Variants in OXR1 observed in about 807,000 individuals in gnomAD.
OXR1 encodes oxidation resistance 1, also known as oxidation resistance protein 1.
OXR1 carries 41 observed loss-of-function variants against 104.6 expected under a neutral mutation model. The observed-to-expected ratio is 0.39, with a 90% CI of 0.31 to 0.51. The LOEUF (loss-of-function observed/expected upper bound fraction) is 0.51. Among genes scored for constraint, OXR1 ranks in the 20% least tolerant of loss-of-function variants. OXR1 has a pLI of 0.77. For missense variants in OXR1, 955 were observed against 1,031.9 expected (o/e 0.93, Z 1.02); for synonymous variants, 348 against 348.4 (o/e 1.00, Z 0.01).
At chr8:106,528,701 A>G (rs1451191445) in intron 3 of OXR1, among the ~76,000 whole-genome samples, 2 of 152,240 alleles carry the variant, frequency 1.3e-5, no homozygotes, top group Admixed American at 1.3e-4. Flanking sequence ...ATACTATAAC[A>G]GGAGGTTAAA....
chr8:106,547,951 T>C (rs1020610433), intron 3 of OXR1, among the ~76,000 whole-genome samples: 1 of 152,198 alleles, frequency 6.6e-6, no homozygotes, highest in Admixed American at 6.5e-5. Context: ...AAATACCTGT[T>C]TGTGTCCCTG....
At chr8:106,491,558 A>T (rs1010806305) in intron 2 of OXR1, among the ~76,000 whole-genome samples, 1 of 152,334 alleles carries the variant, frequency 6.6e-6, no homozygotes, top group East Asian at 1.9e-4. Context: ...GTGGCATTTT[A>T]GAAGTGTGCA....
intron 7 of OXR1, among the ~76,000 whole-genome samples, chr8:106,696,653 T>C (rs1186078044): frequency 6.6e-6 from 1 of 152,258 alleles, no homozygotes; most frequent in African/African-American, 2.4e-5. Flanking sequence ...TCAGCCGTTC[T>C]AATAGATCCG....
At chr8:106,367,849 T>C (rs1467618373) in intron 2 of OXR1, among the ~76,000 whole-genome samples, 2 of 152,036 alleles carry the variant, frequency 1.3e-5, no homozygotes, top group African/African-American at 2.4e-5. Flanking sequence ...AGGAAAACCA[T>C]TTCAGGCAGA....
intron 3 of OXR1, among the ~76,000 whole-genome samples, chr8:106,677,465 C>G (rs1477845891): frequency 6.6e-6 from 1 of 152,020 alleles, no homozygotes; most frequent in African/African-American, 2.4e-5. Context: ...ACCAGGAATG[C>G]AGAAGAATAT....
chr8:106,496,910 G>T (rs980952935), intron 2 of OXR1, among the ~76,000 whole-genome samples: 1 of 152,158 alleles, frequency 6.6e-6, no homozygotes, highest in Non-Finnish European at 1.5e-5. Context: ...TGTGACGGAG[G>T]TAGACCAATG....
At chr8:106,681,372 C>T in intron 4 of OXR1, among the ~76,000 whole-genome samples, 1 of 152,048 alleles carries the variant, frequency 6.6e-6, no homozygotes, top group East Asian at 1.9e-4. Context: ...ATTGTATTAA[C>T]CCAAATATTT....
chr8:106,451,795 C>T (rs941786386), intron 2 of OXR1, among the ~76,000 whole-genome samples: 3 of 152,120 alleles, frequency 2.0e-5, no homozygotes, highest in African/African-American at 7.2e-5. Flanking sequence ...TTTTGCATGT[C>T]CCTTGACTTT....
At chr8:106,696,663 G>A (rs565298819) in intron 7 of OXR1, among the ~76,000 whole-genome samples, 1 of 152,218 alleles carries the variant, frequency 6.6e-6, no homozygotes, top group East Asian at 1.9e-4. Flanking sequence ...TAATAGATCC[G>A]TAGTGGTAAT....
intron 11 of OXR1, among the ~76,000 whole-genome samples, chr8:106,715,282 T>C (rs1263780494): frequency 6.6e-6 from 1 of 151,846 alleles, no homozygotes. Flanking sequence ...ATCACACTAC[T>C]TGATACTGGG....
chr8:106,308,623 A>G (rs920574115), intron 1 of OXR1, among the ~76,000 whole-genome samples: 5 of 152,176 alleles, frequency 3.3e-5, no homozygotes, highest in Non-Finnish European at 7.4e-5. Context: ...TCAAAATCCA[A>G]AGAAAGAAAC....
At chr8:106,307,095 G>A (rs148380955) in intron 1 of OXR1, among the ~76,000 whole-genome samples, 48 of 152,010 alleles carry the variant, frequency 3.2e-4, no homozygotes, top group African/African-American at 1.2e-3. Flanking sequence ...AAAGAAGGAA[G>A]GAATAGCATG....
chr8:106,682,919 A>T (rs1363648335), intron 4 of OXR1, among the ~76,000 whole-genome samples: 1 of 152,188 alleles, frequency 6.6e-6, no homozygotes, highest in Non-Finnish European at 1.5e-5. Flanking sequence ...AATGAAAATA[A>T]TCAGTTTTTG....
intron 11 of OXR1, among the ~76,000 whole-genome samples, chr8:106,734,694 A>T (rs552509944): frequency 3.9e-5 from 6 of 152,276 alleles, no homozygotes; most frequent in Admixed American, 3.3e-4. Context: ...TGTAATAGTG[A>T]TGGGTGGATT....
intron 2 of OXR1, among the ~76,000 whole-genome samples, chr8:106,372,019 T>G (rs2130378148): frequency 6.6e-6 from 1 of 152,312 alleles, no homozygotes; most frequent in Non-Finnish European, 1.5e-5. Context: ...TCAAAGGACT[T>G]AGACAGCAGG....
At chr8:106,490,827 A>G (rs1811035121) in intron 2 of OXR1, among the ~76,000 whole-genome samples, 2 of 152,160 alleles carry the variant, frequency 1.3e-5, no homozygotes, top group African/African-American at 4.8e-5. Flanking sequence ...CAAGAGAAGG[A>G]TAAGATGGAT....
chr8:106,708,641 TTGTA>T (rs1198626891), intron 9 of OXR1, among the ~76,000 whole-genome samples: 8 of 152,338 alleles, frequency 5.3e-5, no homozygotes, highest in African/African-American at 1.9e-4. Flanking sequence ...TAATATTCCA[TTGTA>T]TGTGTGTACA....
At chr8:106,417,540 C>A (rs368129266) in intron 2 of OXR1, among the ~76,000 whole-genome samples, 1 of 152,182 alleles carries the variant, frequency 6.6e-6, no homozygotes, top group African/African-American at 2.4e-5. Flanking sequence ...CAAAACATGT[C>A]CTTGAGGCCA....
chr8:106,572,980 G>A (rs1051664301), intron 3 of OXR1, among the ~76,000 whole-genome samples: 1 of 152,084 alleles, frequency 6.6e-6, no homozygotes, highest in African/African-American at 2.4e-5. Flanking sequence ...TGAGATCAAA[G>A]GCATGGGAAC....
Sources: gnomAD v4.1 joint callset for allele counts (sites outside exome capture counted in the v4.1 genomes callset) on GRCh38, gnomAD v4.1.1 for gene constraint, MANE v1.5 for transcripts, NCBI Gene and HGNC (gene_info 2026-07-23, HGNC 2026-07-21) for gene names.